SLC1A7: variants seen among roughly 807,000 people sequenced by gnomAD.
SLC1A7 encodes the protein solute carrier family 1 member 7.
In SLC1A7, 40 loss-of-function variants were observed where a neutral mutation model predicts 47.7. The observed-to-expected ratio is 0.84, with a 90% CI of 0.65 to 1.09. The LOEUF (loss-of-function observed/expected upper bound fraction) is 1.09, where lower values mean the gene tolerates loss of function less well. Ranked by LOEUF, SLC1A7 falls within the 50% of genes least tolerant of loss-of-function variation. The pLI is 0.00. For missense variants in SLC1A7, 746 were observed against 769.5 expected (o/e 0.97, Z 0.36); for synonymous variants, 323 against 325.6 (o/e 0.99, Z 0.09).
At chr1:53,110,622 C>T (rs565465943) in intron 3 of SLC1A7, among the ~76,000 whole-genome samples, 2 of 152,312 alleles carry the variant, frequency 1.3e-5, no homozygotes, top group South Asian at 4.1e-4. Flanking sequence ...CCGATACCTC[C>T]TTCCACCATG....
chr1:53,103,150 T>G (rs1572315886), intron 5 of SLC1A7, 196 bp downstream of exon 5: 8 of 497,950 alleles, frequency 1.6e-5, no homozygotes, highest in South Asian at 3.1e-5. Context: ...GAGGGGGAGG[T>G]GCCAGGGGGA....
At chr1:53,121,412 C>A (rs1644824751) in intron 2 of SLC1A7, among the ~76,000 whole-genome samples, 1 of 152,154 alleles carries the variant, frequency 6.6e-6, no homozygotes, top group Admixed American at 6.5e-5. Flanking sequence ...ACAGTTGGCA[C>A]CAGAAATCTG....
intron 3 of SLC1A7, among the ~76,000 whole-genome samples, chr1:53,113,765 C>T (rs1042167356): frequency 6.6e-5 from 10 of 152,140 alleles, no homozygotes; most frequent in African/African-American, 9.7e-5. Flanking sequence ...GCCTGGTTCA[C>T]GGTGCACTTT....
At chr1:53,100,970 T>A (rs1644570381) in intron 5 of SLC1A7, among the ~76,000 whole-genome samples, 1 of 150,350 alleles carries the variant, frequency 6.7e-6, no homozygotes, top group Non-Finnish European at 1.5e-5. Flanking sequence ...CGCACCTTGG[T>A]CCACTCACAC....
intron 5 of SLC1A7, among the ~76,000 whole-genome samples, chr1:53,100,761 C>G (rs1440212711): frequency 1.3e-5 from 2 of 151,728 alleles, no homozygotes; most frequent in African/African-American, 4.8e-5. Context: ...TACACTCACA[C>G]ACTGCCTTGG....
chr1:53,140,570 TAC>T (rs1007704493), intron 1 of SLC1A7, among the ~76,000 whole-genome samples: 2 of 152,194 alleles, frequency 1.3e-5, no homozygotes, highest in African/African-American at 4.8e-5. Flanking sequence ...GCAGCGGGGT[TAC>T]AGTTACTTTC....
intron 1 of SLC1A7, among the ~76,000 whole-genome samples, chr1:53,136,543 TATAA>T (rs1374219909): frequency 3.2e-4 from 18 of 56,742 alleles, no homozygotes; most frequent in African/African-American, 8.5e-4. Flanking sequence ...TAAACATATA[TATAA>T]TATATATAAA....
chr1:53,114,751 TA>T lies in SLC1A7; in HGVS notation c.431+6del. On this transcript the variant is annotated splice_donor_region_variant and intron_variant, in intron 3 of 10. Transcript: ENST00000371494. ...TTCCCAAGCGGGGTGTGGGTGGCAA[TA>T]GTTACCGGATGAGGTCCAACAGGGC... The T allele has an allele frequency of 6.2e-7, 1 of 1,612,008 alleles. No homozygotes were observed.
chr1:53,136,620 A>AT (rs1419221089), intron 1 of SLC1A7, among the ~76,000 whole-genome samples: 3 of 139,978 alleles, frequency 2.1e-5, no homozygotes, highest in African/African-American at 8.0e-5. Flanking sequence ...TAATATATAT[A>AT]AACATATATA....
chr1:53,099,480 A>C (rs1261730781), intron 5 of SLC1A7, among the ~76,000 whole-genome samples: 2 of 148,252 alleles, frequency 1.3e-5, no homozygotes, highest in Non-Finnish European at 3.0e-5. Flanking sequence ...ACCTCGCCTC[A>C]GTACACTCAA....
chr1:53,090,725 G>T lies in SLC1A7; in HGVS notation c.1113C>A (p.Pro371=). Residue 371 remains proline, a synonymous_variant, in exon 8 of 11, where the codon CCC becomes CCA. Transcript: ENST00000371494. ...IDRRIARFVL[P]VGATINMDGT... ...CGTCCATGTTGATGGTGGCACCCAC[G>T]GGCAGCACGAAGCGAGCGATGCGCC... 1.9e-6 allele frequency: 3 copies of T among 1,613,672 alleles called. No individual in the cohort carries two copies. The highest frequency in any genetic ancestry group is 2.5e-6 in the Non-Finnish European group (3 of 1,179,954).
At chr1:53,100,255 C>T (rs533420302) in intron 5 of SLC1A7, among the ~76,000 whole-genome samples, 17 of 151,850 alleles carry the variant, frequency 1.1e-4, no homozygotes, top group South Asian at 6.2e-4. Context: ...TACACTCACA[C>T]GCACCGCCTC....
At chr1:53,095,702 CTGCCTCGGTACACACACACAACT>C (rs1241740390) in intron 5 of SLC1A7, among the ~76,000 whole-genome samples, 1 of 151,364 alleles carries the variant, frequency 6.6e-6, no homozygotes, top group East Asian at 1.9e-4. Context: ...CTCACACACC[CTGCCTCGGTACACACACACAACT>C]TGCCTCGGTA....
chr1:53,118,224 G>A (rs777598613), intron 2 of SLC1A7, among the ~76,000 whole-genome samples: 2 of 152,254 alleles, frequency 1.3e-5, no homozygotes. Flanking sequence ...AGCTGTTAAA[G>A]GTGACTTTTC....
chr1:53,112,486 T>C (rs1385967259), intron 3 of SLC1A7, among the ~76,000 whole-genome samples: 1 of 152,218 alleles, frequency 6.6e-6, no homozygotes, highest in Non-Finnish European at 1.5e-5. Flanking sequence ...CAGCAGTAAC[T>C]AGCTGATACA....
intron 1 of SLC1A7, among the ~76,000 whole-genome samples, chr1:53,139,225 G>A (rs571193364): frequency 6.6e-6 from 1 of 152,302 alleles, no homozygotes; most frequent in Admixed American, 6.5e-5. Flanking sequence ...GGGTGGGATG[G>A]TAGAGGAGTC....
At chr1:53,140,511 G>T (rs921340892) in intron 1 of SLC1A7, among the ~76,000 whole-genome samples, 2 of 152,164 alleles carry the variant, frequency 1.3e-5, no homozygotes, top group African/African-American at 4.8e-5. Context: ...TATGCAGCTT[G>T]GTGGGAGAAA....
At chr1:53,127,042 T>TTTTTG (rs1209188360) in intron 2 of SLC1A7, among the ~76,000 whole-genome samples, 3 of 144,846 alleles carry the variant, frequency 2.1e-5, no homozygotes, top group Non-Finnish European at 3.0e-5. Flanking sequence ...TTAAAAGTTT[T>TTTTTG]TTTTTTTTTT....
chr1:53,117,881 C>T (rs1644778248), intron 2 of SLC1A7, among the ~76,000 whole-genome samples: 2 of 152,244 alleles, frequency 1.3e-5, no homozygotes, highest in South Asian at 2.1e-4. Flanking sequence ...CAGCTCTGGA[C>T]AGGAGAGCAC....
Sources: gnomAD v4.1 joint callset for allele counts (sites outside exome capture counted in the v4.1 genomes callset) on GRCh38, gnomAD v4.1.1 for gene constraint, MANE v1.5 for transcripts, NCBI Gene and HGNC (gene_info 2026-07-23, HGNC 2026-07-21) for gene names.